STK3: variants seen among roughly 807,000 people sequenced by gnomAD.
STK3 encodes serine/threonine kinase 3.
Under a neutral mutation model 58.0 loss-of-function variants are expected in STK3, and 41 were observed. That is an observed-to-expected ratio of 0.71 (90% CI 0.55 to 0.92). The LOEUF is 0.92. STK3 is among the 40% of genes least tolerant of loss of function. The pLI is 0.00. For synonymous variants in STK3, 170 were observed against 191.0 expected (o/e 0.89, Z 0.91); for missense variants, 479 against 602.7 (o/e 0.79, Z 2.15).
intron 6 of STK3, among the ~76,000 whole-genome samples, chr8:98,600,427 T>C (rs571375776): frequency 2.0e-5 from 3 of 152,306 alleles, no homozygotes; most frequent in East Asian, 1.9e-4. Flanking sequence ...CCTGGCACAA[T>C]TGTAAATGCT....
intron 1 of STK3, among the ~76,000 whole-genome samples, chr8:98,918,602 T>A (rs1174978093): frequency 1.3e-5 from 2 of 151,964 alleles, no homozygotes; most frequent in African/African-American, 4.8e-5. Flanking sequence ...AGACCCCGAC[T>A]CTACAAAAAA....
chr8:98,507,224 A>G (rs754273388), intron 10 of STK3, among the ~76,000 whole-genome samples: 1 of 152,150 alleles, frequency 6.6e-6, no homozygotes, highest in Non-Finnish European at 1.5e-5. Context: ...TGAACTCCCA[A>G]TTTGGACACA....
At chr8:98,877,644 C>T (rs968755944) in intron 3 of STK3, among the ~76,000 whole-genome samples, 4 of 151,974 alleles carry the variant, frequency 2.6e-5, no homozygotes, top group Non-Finnish European at 4.4e-5. Context: ...CCACTACACC[C>T]GGCTAATTTT....
At chr8:98,787,217 T>C (rs1487942408) in intron 1 of STK3, among the ~76,000 whole-genome samples, 3 of 146,392 alleles carry the variant, frequency 2.0e-5, no homozygotes, top group Non-Finnish European at 3.0e-5. Context: ...GAAGAGATAT[T>C]TAATGAAATA....
chr8:98,881,813 C>T (rs1837804516), downstream of STK3: 2 of 152,054 alleles, frequency 1.3e-5, no homozygotes, highest in Admixed American at 1.3e-4. Context: ...CAGAAGCTAG[C>T]ATTTTATTTC....
At chr8:98,583,738 T>G (rs1175747878) in intron 7 of STK3, among the ~76,000 whole-genome samples, 1 of 152,198 alleles carries the variant, frequency 6.6e-6, no homozygotes, top group African/African-American at 2.4e-5. Context: ...TGTCTTGTTC[T>G]GAAAACAATT....
intron 6 of STK3, among the ~76,000 whole-genome samples, chr8:98,650,762 T>C (rs183992668): frequency 6.6e-6 from 1 of 152,116 alleles, no homozygotes; most frequent in Non-Finnish European, 1.5e-5. Context: ...GAGATCAAAC[T>C]GCAAGGTGGC....
chr8:98,426,266 G>A (rs562637300), intron 3 of STK3, among the ~76,000 whole-genome samples: 1 of 152,266 alleles, frequency 6.6e-6, no homozygotes, highest in East Asian at 1.9e-4. Context: ...GCCACACACT[G>A]CGCTGACACA....
At chr8:98,594,327 C>T (rs1158053344) in intron 7 of STK3, among the ~76,000 whole-genome samples, 5 of 151,878 alleles carry the variant, frequency 3.3e-5, no homozygotes, top group East Asian at 3.9e-4. Context: ...GGGCCGGGCA[C>T]GGTGGCTCAT....
At chr8:98,437,514 TC>T (rs1818535490) in intron 1 of STK3, 2 of 152,282 alleles carry the variant, frequency 1.3e-5, no homozygotes, top group South Asian at 4.1e-4. Context: ...GAATTGGGGT[TC>T]TTGGGGAGGT....
chr8:98,911,809 G>A (rs1049193189), intron 1 of STK3, among the ~76,000 whole-genome samples: 1 of 151,354 alleles, frequency 6.6e-6, no homozygotes, highest in Non-Finnish European at 1.5e-5. Flanking sequence ...GTACATAATG[G>A]GAATTTTTTA....
chr8:98,698,192 C>CT (rs920024116), intron 6 of STK3, among the ~76,000 whole-genome samples: 2 of 151,156 alleles, frequency 1.3e-5, no homozygotes, highest in Admixed American at 6.6e-5. Context: ...CAACCCCTGC[C>CT]TTTTTTTGTT....
chr8:98,603,711 T>C (rs1472051382), intron 6 of STK3, among the ~76,000 whole-genome samples: 2 of 151,418 alleles, frequency 1.3e-5, no homozygotes, highest in Non-Finnish European at 2.9e-5. Context: ...CCCCTCCAAA[T>C]CTCATGTTGA....
At chr8:98,408,964 T>G (rs1205135219) in intron 3 of STK3, among the ~76,000 whole-genome samples, 1 of 152,106 alleles carries the variant, frequency 6.6e-6, no homozygotes, top group East Asian at 1.9e-4. Flanking sequence ...CGTCCCCTGT[T>G]GCTATGCTGT....
At chr8:98,596,446 T>A (rs1032926109) in intron 6 of STK3, 1 of 245,234 alleles carries the variant, frequency 4.1e-6, no homozygotes, top group African/African-American at 2.2e-5. Flanking sequence ...AAGAAGACTA[T>A]ATTTCTGACC....
chr8:98,436,861 GC>G (rs1352890606), intron 2 of STK3: 1 of 152,158 alleles, frequency 6.6e-6, no homozygotes, highest in Non-Finnish European at 1.5e-5. Flanking sequence ...TTGCAGTAGT[GC>G]CTCTGTCTCC....
the STK3 span, among the ~76,000 whole-genome samples, chr8:98,358,101 A>G: frequency 6.6e-6 from 1 of 152,192 alleles, no homozygotes; most frequent in African/African-American, 2.4e-5. Flanking sequence ...TTTTGCTCCA[A>G]AAAGGATTTT....
intron 1 of STK3, among the ~76,000 whole-genome samples, chr8:98,918,378 G>T (rs1839424016): frequency 1.3e-5 from 2 of 152,162 alleles, no homozygotes; most frequent in Admixed American, 1.3e-4. Flanking sequence ...TAAGAGCCTG[G>T]AGCATAATCA....
chr8:98,358,441 T>C, the STK3 span, among the ~76,000 whole-genome samples: 6 of 152,150 alleles, frequency 3.9e-5, no homozygotes. Flanking sequence ...CTGAGGGCAA[T>C]GGGGAGCCAC....
Sources: gnomAD v4.1 joint callset for allele counts (sites outside exome capture counted in the v4.1 genomes callset) on GRCh38, gnomAD v4.1.1 for gene constraint, MANE v1.5 for transcripts, NCBI Gene and HGNC (gene_info 2026-07-23, HGNC 2026-07-21) for gene names.